EFHC2: variants seen among roughly 807,000 people sequenced by gnomAD.
EFHC2 encodes EF-hand domain containing 2, also known as EF-hand domain-containing family member C2.
Under a neutral mutation model 52.7 loss-of-function variants are expected in EFHC2, and 18 were observed. The ratio of observed to expected loss-of-function variants is 0.34; its 90% CI spans 0.24 to 0.51. The LOEUF (loss-of-function observed/expected upper bound fraction) is 0.51. EFHC2 is among the 20% of genes least tolerant of loss of function. EFHC2 has a pLI of 0.97. For synonymous variants in EFHC2, 203 were observed against 204.1 expected, an observed-to-expected ratio of 0.99 and a Z score of 0.04; for missense variants, 513 against 562.5, an observed-to-expected ratio of 0.91 and a Z score of 0.89.
chrX:44,308,663 C>A (rs2037923654), intron 2 of EFHC2, among the ~76,000 whole-genome samples: 1 of 111,920 alleles, frequency 8.9e-6, no homozygotes, highest in Admixed American at 9.5e-5. Flanking sequence ...AAAAACACAA[C>A]CTGTCTTCTA....
intron 2 of EFHC2, chrX:44,310,414 C>T (rs1202147540): frequency 2.0e-6 from 2 of 992,744 alleles, no homozygotes; most frequent in Non-Finnish European, 2.7e-6. Flanking sequence ...GCCCCTTCAG[C>T]GGCGAGAGCT....
chrX:44,226,224 T>C (rs1396242543), intron 11 of EFHC2, among the ~76,000 whole-genome samples: 2 of 111,900 alleles, frequency 1.8e-5, no homozygotes, highest in African/African-American at 6.5e-5. Context: ...GGCAAAACTT[T>C]GCAGGATGAG....
At chrX:44,266,999 T>C (rs1307884314) in intron 3 of EFHC2, among the ~76,000 whole-genome samples, 1 of 111,922 alleles carries the variant, frequency 8.9e-6, no homozygotes, top group Non-Finnish European at 1.9e-5. Context: ...GGGAAGCCAG[T>C]TCTTGACCCC....
At chrX:44,232,902 C>T (rs927053292) in intron 9 of EFHC2, among the ~76,000 whole-genome samples, 1 of 111,479 alleles carries the variant, frequency 9.0e-6, no homozygotes, top group African/African-American at 3.3e-5. Context: ...GGCATGGTGG[C>T]ATGTGCCTGC....
chrX:44,212,294 C>T (rs1422840672), intron 11 of EFHC2, among the ~76,000 whole-genome samples: 4 of 111,574 alleles, frequency 3.6e-5, no homozygotes, highest in Admixed American at 2.8e-4. Context: ...GGGGGTTGGG[C>T]GGCGAGCCTG....
chrX:44,328,892 C>A (rs2038068882), intron 1 of EFHC2, among the ~76,000 whole-genome samples: 1 of 111,427 alleles, frequency 9.0e-6, no homozygotes, highest in African/African-American at 3.3e-5. Context: ...GTATTTAAAC[C>A]CCAGAAAATT....
chrX:44,342,944 GTGCC>G (rs909096289), intron 1 of EFHC2, among the ~76,000 whole-genome samples: 1 of 109,815 alleles, frequency 9.1e-6, no homozygotes, highest in Non-Finnish European at 1.9e-5. Context: ...CCAAGTTTGG[GTGCC>G]TGTCTCTATA....
chrX:44,296,046 C>T (rs1463051819), intron 2 of EFHC2, among the ~76,000 whole-genome samples: 1 of 111,800 alleles, frequency 8.9e-6, no homozygotes, highest in African/African-American at 3.3e-5. Flanking sequence ...CATTTCATCA[C>T]CATCAGTGCT....
At chrX:44,199,339 T>C (rs1409854391) in intron 11 of EFHC2, among the ~76,000 whole-genome samples, 1 of 113,269 alleles carries the variant, frequency 8.8e-6, no homozygotes, top group African/African-American at 3.2e-5. Context: ...CAGAGGCAGA[T>C]GCTAGCACCA....
chrX:44,310,304 C>T (rs2037937980), intron 2 of EFHC2: 1 of 971,128 alleles, frequency 1.0e-6, no homozygotes, highest in South Asian at 2.0e-5. Context: ...CTTTAGTTTT[C>T]GGCTCGCGGG....
intron 11 of EFHC2, among the ~76,000 whole-genome samples, chrX:44,200,574 T>G (rs768587002): frequency 9.0e-6 from 1 of 110,555 alleles, no homozygotes. Context: ...ATTCCAGAAA[T>G]GTAGCAGCAC....
chrX:44,295,172 C>T (rs2037818568), intron 2 of EFHC2, among the ~76,000 whole-genome samples: 1 of 111,637 alleles, frequency 9.0e-6, no homozygotes, highest in African/African-American at 3.3e-5. Flanking sequence ...AATCTCCACT[C>T]ACTCCTGCTC....
intron 13 of EFHC2, among the ~76,000 whole-genome samples, chrX:44,166,656 T>C (rs190178869): frequency 2.0e-4 from 22 of 111,792 alleles, no homozygotes; most frequent in Admixed American, 1.0e-3. Flanking sequence ...AATTTGTCAG[T>C]AAATTCCCAT....
chrX:44,172,961 G>C (rs762947377), intron 13 of EFHC2, among the ~76,000 whole-genome samples: 52 of 111,637 alleles, frequency 4.7e-4, no homozygotes, highest in Admixed American at 7.6e-4. Flanking sequence ...GACAGGGGCT[G>C]AGGTAACCAG....
At chrX:44,321,929 A>G (rs2038023474) in intron 1 of EFHC2, among the ~76,000 whole-genome samples, 2 of 111,800 alleles carry the variant, frequency 1.8e-5, no homozygotes, top group African/African-American at 6.5e-5. Context: ...ATAAAAGATC[A>G]TCTAAATGTC....
intron 2 of EFHC2, among the ~76,000 whole-genome samples, chrX:44,286,790 G>A (rs1246898630): frequency 9.2e-6 from 1 of 108,870 alleles, no homozygotes; most frequent in Non-Finnish European, 1.9e-5. Flanking sequence ...GAGGCGAGCG[G>A]ATCACTTGAG....
intron 11 of EFHC2, among the ~76,000 whole-genome samples, chrX:44,209,472 G>A (rs1476754653): frequency 3.6e-5 from 4 of 110,849 alleles, no homozygotes; most frequent in Non-Finnish European, 5.7e-5. Flanking sequence ...AATGAGTTTA[G>A]CAATGTTGCA....
chrX:44,271,565 C>T (rs984999522), intron 3 of EFHC2, among the ~76,000 whole-genome samples: 56 of 111,271 alleles, frequency 5.0e-4, no homozygotes, highest in African/African-American at 1.7e-3. Context: ...AGGTCATTTA[C>T]ACCAGCAACC....
At chrX:44,214,772 C>T (rs966491548) in intron 11 of EFHC2, among the ~76,000 whole-genome samples, 1 of 112,063 alleles carries the variant, frequency 8.9e-6, no homozygotes, top group African/African-American at 3.2e-5. Flanking sequence ...ATAATAGCAA[C>T]AATGTATTTG....
Sources: gnomAD v4.1 joint callset for allele counts (sites outside exome capture counted in the v4.1 genomes callset) on GRCh38, gnomAD v4.1.1 for gene constraint, MANE v1.5 for transcripts, NCBI Gene and HGNC (gene_info 2026-07-23, HGNC 2026-07-21) for gene names.